PCDH17: variants seen among roughly 807,000 people sequenced by gnomAD.
PCDH17 encodes protocadherin 17, also known as protocadherin-17.
PCDH17 carries 21 observed loss-of-function variants against 67.7 expected under a neutral mutation model. That is an observed-to-expected ratio of 0.31 (90% CI 0.22 to 0.45). The LOEUF (loss-of-function observed/expected upper bound fraction) is 0.45, where lower values mean the gene tolerates loss of function less well. PCDH17 is among the 20% of genes least tolerant of loss of function. PCDH17 has a pLI of 1.00. For missense variants in PCDH17, 1,471 were observed against 1,564.8 expected (o/e 0.94, Z 1.01); for synonymous variants, 701 against 656.7 (o/e 1.07, Z -1.03).
At chr13:57,650,247 T>A (rs1022304405) in intron 1 of PCDH17, among the ~76,000 whole-genome samples, 3 of 150,866 alleles carry the variant, frequency 2.0e-5, no homozygotes, top group African/African-American at 7.3e-5. Flanking sequence ...TGTGTGTGTG[T>A]GTGTGTGTGT....
intron 3 of PCDH17, among the ~76,000 whole-genome samples, chr13:57,714,940 A>G (rs1955805559): frequency 6.6e-6 from 1 of 151,808 alleles, no homozygotes; most frequent in Admixed American, 6.6e-5. Context: ...ACTGTTTTCC[A>G]TAATTTAAAA....
chr13:57,697,083 T>C (rs1215334498), intron 3 of PCDH17, among the ~76,000 whole-genome samples: 2 of 151,644 alleles, frequency 1.3e-5, no homozygotes, highest in Non-Finnish European at 3.0e-5. Context: ...CCATCCTTTA[T>C]GGAGGCAATC....
intron 1 of PCDH17, among the ~76,000 whole-genome samples, chr13:57,640,150 A>G (rs1223291113): frequency 1.3e-5 from 2 of 151,950 alleles, no homozygotes; most frequent in Admixed American, 1.3e-4. Flanking sequence ...TAGCATTTAT[A>G]TTTTATCATG....
chr13:57,693,141 A>T (rs9537778), intron 3 of PCDH17, among the ~76,000 whole-genome samples: 42,029 of 149,414 alleles, frequency 0.28, 6,154 homozygotes, highest in Middle Eastern at 0.38. Flanking sequence ...ATTTATTTCC[A>T]CGGTTTTCAA....
At chr13:57,722,284 C>G (rs1019827044) in intron 3 of PCDH17, among the ~76,000 whole-genome samples, 1 of 152,084 alleles carries the variant, frequency 6.6e-6, no homozygotes, top group Non-Finnish European at 1.5e-5. Flanking sequence ...ATCCAAATAG[C>G]TGCAATGAAA....
At chr13:57,698,095 T>C (rs1172004174) in intron 3 of PCDH17, among the ~76,000 whole-genome samples, 1 of 151,608 alleles carries the variant, frequency 6.6e-6, no homozygotes, top group Non-Finnish European at 1.5e-5. Context: ...TACAAAAACA[T>C]TTAATCAAGT....
chr13:57,643,739 C>T (rs1310514561), intron 1 of PCDH17, among the ~76,000 whole-genome samples: 7 of 151,548 alleles, frequency 4.6e-5, no homozygotes, highest in Non-Finnish European at 1.5e-5. Context: ...ACTTACCTTC[C>T]CATTGTTTCA....
intron 3 of PCDH17, among the ~76,000 whole-genome samples, chr13:57,702,956 T>A (rs1955681813): frequency 6.6e-6 from 1 of 152,202 alleles, no homozygotes. Context: ...TGTAAGTGTT[T>A]GTAACTGTGT....
At chr13:57,679,251 A>C (rs1955424512) in intron 3 of PCDH17, among the ~76,000 whole-genome samples, 1 of 151,406 alleles carries the variant, frequency 6.6e-6, no homozygotes, top group African/African-American at 2.4e-5. Context: ...ATGATGATTT[A>C]AGCAGTTGTA....
chr13:57,695,856 T>C (rs144328862), intron 3 of PCDH17, among the ~76,000 whole-genome samples: 1 of 151,594 alleles, frequency 6.6e-6, no homozygotes, highest in African/African-American at 2.4e-5. Flanking sequence ...ACAAGCATTC[T>C]TGTAATTGAA....
rs191974476 is a variant in PCDH17, at chr13:57,699,814, A to T, written c.2798-24798A>T. On this transcript the variant is annotated intron_variant, in intron 3 of 3. Coordinates refer to ENST00000377918, the MANE Select transcript of PCDH17 (RefSeq NM_001040429.3). ...AAATATACAACTATTTTAAAATTTTAAAATATTAAAAATGTATATTCTTTT... is the reference window on the plus strand; with the variant it reads ...AAATATACAACTATTTTAAAATTTTTAAATATTAAAAATGTATATTCTTTT... Among the ~76,000 whole-genome samples, 1,326 of 152,188 alleles carry T rather than the reference A, an allele frequency of 8.7e-3. 9 individuals are homozygous for T. Among genetic ancestry groups the T allele is most frequent in the Admixed American group, 0.014 (211 of 15,278 alleles).
intron 1 of PCDH17, among the ~76,000 whole-genome samples, chr13:57,661,513 T>C (rs1425272399): frequency 2.6e-5 from 4 of 152,194 alleles, no homozygotes; most frequent in Non-Finnish European, 5.9e-5. Flanking sequence ...TTTGATATTG[T>C]CTAACCACTG....
Position 57,632,652 on chromosome 13 carries a change from G to T in PCDH17, c.106G>T (p.Gly36Trp). The change falls in exon 1 of 4, where the codon GGG becomes TGG. Residue 36 changes from glycine to tryptophan, a missense_variant. Gly to Trp is a radical substitution (Grantham distance 184, BLOSUM62 -2). Around this residue, in one of 3 missense-constraint regions of PCDH17, gnomAD observed 1,163 missense variants for 1,230.0 expected, o/e 0.95. Transcript: ENST00000377918. ...GGAGCAAGGGGCCGGCACGGTGATC[G>T]GGAACATCGGCAGGGATGCTCGACT... ...PEEQGAGTVIGNIGRDARLQP... is the reference protein window; with the variant it reads ...PEEQGAGTVIWNIGRDARLQP... 6.2e-7 allele frequency: 1 copy of T among 1,612,882 alleles called. No individual in the cohort carries two copies. Among genetic ancestry groups the T allele is most frequent in the Non-Finnish European group, 8.5e-7 (1 of 1,179,952 alleles).
chr13:57,720,040 A>C (rs1187685546), intron 3 of PCDH17, among the ~76,000 whole-genome samples: 1 of 152,054 alleles, frequency 6.6e-6, no homozygotes, highest in Non-Finnish European at 1.5e-5. Context: ...CCAACAATTT[A>C]AAAGCAGATA....
chr13:57,689,602 A>C (rs909452477), intron 3 of PCDH17, among the ~76,000 whole-genome samples: 6 of 152,060 alleles, frequency 3.9e-5, no homozygotes, highest in African/African-American at 1.4e-4. Context: ...ATAGACCTTT[A>C]AAAATACATT....
intron 3 of PCDH17, among the ~76,000 whole-genome samples, chr13:57,684,336 A>G (rs1955487320): frequency 6.6e-6 from 1 of 151,864 alleles, no homozygotes; most frequent in East Asian, 1.9e-4. Flanking sequence ...ATATATAAAC[A>G]CACATTATTT....
chr13:57,660,993 A>G (rs1450995954), intron 1 of PCDH17, among the ~76,000 whole-genome samples: 1 of 152,136 alleles, frequency 6.6e-6, no homozygotes, highest in Non-Finnish European at 1.5e-5. Flanking sequence ...TTGTGTGAAC[A>G]TACTTTTCAT....
At chr13:57,657,794 G>A (rs1251753545) in intron 1 of PCDH17, among the ~76,000 whole-genome samples, 3 of 152,122 alleles carry the variant, frequency 2.0e-5, no homozygotes, top group Admixed American at 6.6e-5. Flanking sequence ...CCCTGGATTA[G>A]GAAAACACTG....
At chr13:57,651,089 C>A (rs1213603685) in intron 1 of PCDH17, among the ~76,000 whole-genome samples, 1 of 152,034 alleles carries the variant, frequency 6.6e-6, no homozygotes, top group Non-Finnish European at 1.5e-5. Context: ...GGATTGTGAA[C>A]CTATATCTCT....
Sources: allele counts gnomAD v4.1 joint callset (sites outside exome capture counted in the v4.1 genomes callset), GRCh38; gene constraint gnomAD v4.1.1; regional missense constraint gnomAD v4.1.1; transcripts MANE v1.5; gene names NCBI Gene and HGNC (gene_info 2026-07-23, HGNC 2026-07-21).